AEBP2: variants seen among roughly 807,000 people sequenced by gnomAD.
AEBP2 encodes zinc finger protein AEBP2.
Under a neutral mutation model 50.8 loss-of-function variants are expected in AEBP2, and 10 were observed. That is an observed-to-expected ratio of 0.20 (90% CI 0.12 to 0.33). AEBP2 has a LOEUF of 0.33. Among genes scored for constraint, AEBP2 ranks in the 10% least tolerant of loss-of-function variants. The pLI is 1.00. For missense variants in AEBP2, 570 were observed against 688.0 expected (o/e 0.83, Z 1.92); for synonymous variants, 296 against 261.3 (o/e 1.13, Z -1.28).
At chr12:19,504,996 T>A (rs1949134869) in intron 5 of AEBP2, among the ~76,000 whole-genome samples, 1 of 152,140 alleles carries the variant, frequency 6.6e-6, no homozygotes, top group Non-Finnish European at 1.5e-5. Flanking sequence ...ACAAGAGACA[T>A]GAATTTGAGG....
At chr12:19,437,744 C>T (rs1274985087), upstream of AEBP2, among the ~76,000 whole-genome samples, 2 of 152,210 alleles carry the variant, frequency 1.3e-5, no homozygotes, top group Non-Finnish European at 2.9e-5. Context: ...TAATACCTTA[C>T]ATTGTATGTG....
At chr12:19,482,548 G>T (rs1948745771) in intron 3 of AEBP2, among the ~76,000 whole-genome samples, 1 of 152,146 alleles carries the variant, frequency 6.6e-6, no homozygotes, top group Non-Finnish European at 1.5e-5. Context: ...CCAACCAGGA[G>T]GTGACACTTT....
At chr12:19,471,056 C>A (rs578172476) in intron 2 of AEBP2, among the ~76,000 whole-genome samples, 2 of 147,394 alleles carry the variant, frequency 1.4e-5, no homozygotes, top group East Asian at 3.9e-4. Context: ...TTTAAACCAA[C>A]CCCTGATTCC....
chr12:19,461,656 C>G (rs1948380661), intron 1 of AEBP2, among the ~76,000 whole-genome samples: 1 of 151,954 alleles, frequency 6.6e-6, no homozygotes, highest in Non-Finnish European at 1.5e-5. Context: ...ATTACAGGCA[C>G]CTGCCACCAC....
At chr12:19,452,318 C>T (rs941495562) in intron 1 of AEBP2, among the ~76,000 whole-genome samples, 3 of 150,368 alleles carry the variant, frequency 2.0e-5, no homozygotes, top group Admixed American at 6.6e-5. Flanking sequence ...TAAAAAAATA[C>T]GATCTCACAC....
At chr12:19,495,452 C>G (rs988508245) in intron 4 of AEBP2, among the ~76,000 whole-genome samples, 1 of 151,924 alleles carries the variant, frequency 6.6e-6, no homozygotes, top group African/African-American at 2.4e-5. Context: ...GACAAATGAA[C>G]AAACCAGAAA....
intron 3 of AEBP2, among the ~76,000 whole-genome samples, chr12:19,484,683 G>A (rs760416270): frequency 2.0e-5 from 3 of 151,928 alleles, no homozygotes; most frequent in Non-Finnish European, 4.4e-5. Flanking sequence ...CATCTTAATA[G>A]TTTTAATTAG....
intron 3 of AEBP2, among the ~76,000 whole-genome samples, chr12:19,488,823 C>G (rs1223199215): frequency 2.0e-5 from 3 of 152,042 alleles, no homozygotes; most frequent in Admixed American, 6.6e-5. Context: ...TTGAGATGGA[C>G]TCTTGCTCTG....
intron 1 of AEBP2, among the ~76,000 whole-genome samples, chr12:19,423,797 C>T (rs1434207227): frequency 6.6e-6 from 1 of 151,840 alleles, no homozygotes; most frequent in Admixed American, 6.6e-5. Flanking sequence ...GCCGAGATTG[C>T]GCCACTGCGC....
chr12:19,507,897 A>G (rs1489815792), intron 5 of AEBP2, among the ~76,000 whole-genome samples: 1 of 152,250 alleles, frequency 6.6e-6, no homozygotes, highest in Non-Finnish European at 1.5e-5. Context: ...ATTAACTTTT[A>G]TAGAAAATAA....
At chr12:19,470,392 A>C (rs1244296766) in intron 2 of AEBP2, among the ~76,000 whole-genome samples, 1 of 152,136 alleles carries the variant, frequency 6.6e-6, no homozygotes, top group Non-Finnish European at 1.5e-5. Context: ...CCTGGCCTGA[A>C]GTGATCCACC....
chr12:19,512,504 T>C, intron 6 of AEBP2, 39 bp downstream of exon 6: 1 of 1,269,670 alleles, frequency 7.9e-7, no homozygotes, highest in Non-Finnish European at 1.1e-6. Flanking sequence ...AATAAGTTCA[T>C]GTTTTATTTT....
chr12:19,449,832 T>A (rs903819283), intron 1 of AEBP2, among the ~76,000 whole-genome samples: 2 of 152,196 alleles, frequency 1.3e-5, no homozygotes, highest in African/African-American at 4.8e-5. Context: ...AAATACTACT[T>A]AAGTTTCTCG....
At chr12:19,433,091 A>G (rs1296327740) in intron 1 of AEBP2, among the ~76,000 whole-genome samples, 1 of 152,130 alleles carries the variant, frequency 6.6e-6, no homozygotes, top group Non-Finnish European at 1.5e-5. Context: ...GTATTTAAAA[A>G]AAAAAATTTC....
At chr12:19,504,776 CT>C (rs1475061037) in intron 5 of AEBP2, among the ~76,000 whole-genome samples, 1 of 152,002 alleles carries the variant, frequency 6.6e-6, no homozygotes, top group Non-Finnish European at 1.5e-5. Flanking sequence ...TATTAAATAA[CT>C]TTATTTAAAA....
At chr12:19,438,578 C>G (rs1015853113), upstream of AEBP2, among the ~76,000 whole-genome samples, 1 of 146,648 alleles carries the variant, frequency 6.8e-6, no homozygotes, top group African/African-American at 2.4e-5. Flanking sequence ...TTAGTACTTA[C>G]AAACATTTGA....
intron 1 of AEBP2, among the ~76,000 whole-genome samples, chr12:19,410,012 C>T (rs2095738428): frequency 1.3e-5 from 2 of 152,116 alleles, no homozygotes; most frequent in African/African-American, 4.8e-5. Flanking sequence ...CTGATTTCAA[C>T]CCATAGCTTT....
chr12:19,436,034 G>A (rs1162988365), upstream of AEBP2, among the ~76,000 whole-genome samples: 1 of 152,180 alleles, frequency 6.6e-6, no homozygotes, highest in East Asian at 1.9e-4. Flanking sequence ...TCTAAGTTAG[G>A]ATAAGATAGC....
chr12:19,511,885 A>G (rs1949237326), intron 5 of AEBP2, among the ~76,000 whole-genome samples: 1 of 152,112 alleles, frequency 6.6e-6, no homozygotes, highest in Non-Finnish European at 1.5e-5. Context: ...GGTTCACAGG[A>G]TAAGAAATAT....
Sources: allele counts gnomAD v4.1 joint callset (sites outside exome capture counted in the v4.1 genomes callset), GRCh38; gene constraint gnomAD v4.1.1; transcripts MANE v1.5; gene names NCBI Gene and HGNC (gene_info 2026-07-23, HGNC 2026-07-21).